UHRF2: variants seen among roughly 807,000 people sequenced by gnomAD.
UHRF2 encodes the protein ubiquitin like with PHD and ring finger domains 2.
UHRF2 carries 23 observed loss-of-function variants against 96.8 expected under a neutral mutation model. The ratio of observed to expected loss-of-function variants is 0.24; its 90% CI spans 0.17 to 0.34. UHRF2 has a LOEUF of 0.34. Ranked by LOEUF, UHRF2 falls within the 10% of genes least tolerant of loss-of-function variation. UHRF2 has a pLI of 1.00. For synonymous variants in UHRF2, 385 were observed against 332.6 expected (o/e 1.16, Z -1.72); for missense variants, 685 against 981.5 (o/e 0.70, Z 4.04).
In UHRF2 at chr9:6,430,004, T is replaced by C. The variant is rs554132690; in HGVS notation, c.385-3910T>C. ...TTAGATATTTGGACAGGGGAAACTTTTTGTCTAAATGTGGCTTTTCTTTTT... is the reference window on the plus strand; with the variant it reads ...TTAGATATTTGGACAGGGGAAACTTCTTGTCTAAATGTGGCTTTTCTTTTT... On this transcript the variant is annotated intron_variant, in intron 2 of 15. Transcript: ENST00000276893. 3.9e-5 allele frequency among the ~76,000 whole-genome samples: 6 copies of C among 152,360 alleles called. No individual in the cohort carries two copies. In the East Asian group the frequency reaches 9.6e-4, roughly 24 times the overall value.
At chr9:6,437,417 G>A (rs1160652310) in intron 3 of UHRF2, among the ~76,000 whole-genome samples, 1 of 152,064 alleles carries the variant, frequency 6.6e-6, no homozygotes, top group Non-Finnish European at 1.5e-5. Context: ...ATCTTTAGTA[G>A]ATACGGGGTT....
At chr9:6,453,577 C>G (rs116677937) in intron 3 of UHRF2, among the ~76,000 whole-genome samples, 265 of 152,224 alleles carry the variant, frequency 1.7e-3, no homozygotes, top group African/African-American at 6.2e-3. Flanking sequence ...ATTTTTCTGA[C>G]CAAACCGTTG....
At chr9:6,502,408 A>G (rs1456422237) in intron 14 of UHRF2, among the ~76,000 whole-genome samples, 1 of 152,208 alleles carries the variant, frequency 6.6e-6, no homozygotes, top group Non-Finnish European at 1.5e-5. Flanking sequence ...GATTCCTCAG[A>G]GAGATCTTCC....
rs1587746718 is a variant in UHRF2, at chr9:6,413,891, A to G, written c.153+248A>G. On this transcript the variant is annotated intron_variant, in intron 1 of 15. Transcript: ENST00000276893. The stretch of plus-strand genomic sequence containing the variant: ...AGAAGTGAGGGCGTCCGGAGCGCAA[A>G]TATCTCGCCGTTTGTATTTGGTAGG... 74 of 397,600 alleles carry G rather than the reference A, an allele frequency of 1.9e-4. 2 individuals are homozygous for G. In the East Asian group the frequency reaches 3.0e-3, roughly 16 times the overall value. The allele number at this position is 397,600 out of a possible 1,614,324, so 24.6% of individuals were successfully genotyped here.
chr9:6,466,280 G>A (rs1822850984), intron 4 of UHRF2, among the ~76,000 whole-genome samples: 1 of 152,122 alleles, frequency 6.6e-6, no homozygotes, highest in South Asian at 2.1e-4. Context: ...GCTCACGCCT[G>A]TAATCCCAGC....
At chr9:6,459,009 T>A (rs937088562) in intron 3 of UHRF2, among the ~76,000 whole-genome samples, 1 of 151,890 alleles carries the variant, frequency 6.6e-6, no homozygotes, top group Non-Finnish European at 1.5e-5. Flanking sequence ...TAAGTGGAAG[T>A]TGAACAATGA....
At chr9:6,438,966 A>C (rs1233248465) in intron 3 of UHRF2, among the ~76,000 whole-genome samples, 1 of 152,210 alleles carries the variant, frequency 6.6e-6, no homozygotes, top group Non-Finnish European at 1.5e-5. Flanking sequence ...CCAAACCAAA[A>C]AAATTTAAGA....
intron 14 of UHRF2, among the ~76,000 whole-genome samples, 166 bp downstream of exon 14, chr9:6,500,875 A>G (rs187741284): frequency 6.6e-6 from 1 of 152,310 alleles, no homozygotes; most frequent in Non-Finnish European, 1.5e-5. Context: ...ACACATATAC[A>G]TGCGCCTAAA....
At chr9:6,452,086 T>A (rs1312146142) in intron 3 of UHRF2, among the ~76,000 whole-genome samples, 3 of 151,856 alleles carry the variant, frequency 2.0e-5, no homozygotes, top group Admixed American at 6.6e-5. Flanking sequence ...TTGCACCTTA[T>A]TTTTTTTAAG....
intron 3 of UHRF2, among the ~76,000 whole-genome samples, chr9:6,440,681 A>G (rs1405826125): frequency 1.3e-5 from 2 of 152,206 alleles, no homozygotes; most frequent in African/African-American, 4.8e-5. Context: ...ATCTGTACTC[A>G]TCATTTGGCT....
At chr9:6,500,459 C>G (rs1816226718) in intron 13 of UHRF2, 93 bp from the exon 14 acceptor site, 1 of 1,096,002 alleles carries the variant, frequency 9.1e-7, no homozygotes, top group East Asian at 2.6e-5. Flanking sequence ...TATCTTTCTG[C>G]TAAACATTAC....
chr9:6,472,991 T>G (rs1319264367), intron 4 of UHRF2, among the ~76,000 whole-genome samples: 2 of 152,224 alleles, frequency 1.3e-5, no homozygotes, highest in African/African-American at 4.8e-5. Flanking sequence ...ATGTGTATGT[T>G]TAAAATGTAT....
intron 8 of UHRF2, 106 bp downstream of exon 8, chr9:6,482,205 G>C: frequency 2.2e-6 from 2 of 916,168 alleles, no homozygotes; most frequent in Non-Finnish European, 3.5e-6. Context: ...ACATTCACTT[G>C]TTAGAATGAA....
chr9:6,421,067 G>C lies in UHRF2; in HGVS notation c.309G>C (p.Pro103=). 6.2e-7 allele frequency: 1 copy of C among 1,614,140 alleles called. No homozygotes were observed. Among genetic ancestry groups the C allele is most frequent in the Non-Finnish European group, 8.5e-7 (1 of 1,180,028 alleles). ...GTCCACCTAAAGTAAAGAAAGCTCC[G>C]AGGGTAGGACCTTCCAATCAGCCAT... ...SNSPPKVKKA[P]RVGPSNQPST... The change falls in exon 2 of 16, where the codon CCG becomes CCC. Residue 103 remains proline (P), a synonymous_variant. Coordinates refer to ENST00000276893, the MANE Select transcript of UHRF2 (RefSeq NM_152896.3).
At chr9:6,423,700 C>G (rs982494033) in intron 2 of UHRF2, among the ~76,000 whole-genome samples, 5 of 150,678 alleles carry the variant, frequency 3.3e-5, no homozygotes, top group Non-Finnish European at 5.9e-5. Flanking sequence ...AATCCCAACA[C>G]TTTGGGAGGC....
Position 6,415,796 on chromosome 9 carries a change from G to C in UHRF2, c.153+2153G>C, listed in dbSNP as rs536756223. 2.6e-5 allele frequency among the ~76,000 whole-genome samples: 4 copies of C among 152,316 alleles called. No individual in the cohort carries two copies. The South Asian group carries it at 8.3e-4, about 32-fold the overall frequency. On this transcript the variant is annotated intron_variant, in intron 1 of 15. Transcript: ENST00000276893. ...TCAGCTCACCCCAGAACTGCAAGTA[G>C]TTGAATTTAACAAGACCCCACGGGA...
intron 8 of UHRF2, among the ~76,000 whole-genome samples, chr9:6,483,824 G>C (rs933870769): frequency 1.3e-5 from 2 of 152,046 alleles, no homozygotes; most frequent in African/African-American, 4.8e-5. Context: ...CAAGTAGCTG[G>C]GATTACAGGC....
chr9:6,476,656 G>A (rs1587849441), intron 5 of UHRF2, among the ~76,000 whole-genome samples: 1 of 151,984 alleles, frequency 6.6e-6, no homozygotes, highest in Admixed American at 6.6e-5. Context: ...GTGCAGTGGC[G>A]CAATCTCGGC....
chr9:6,429,379 A>G (rs1291827690), intron 2 of UHRF2, among the ~76,000 whole-genome samples: 1 of 152,216 alleles, frequency 6.6e-6, no homozygotes, highest in Non-Finnish European at 1.5e-5. Flanking sequence ...TACCAGCAGT[A>G]TGGTAATAAG....
Sources: allele counts gnomAD v4.1 joint callset (sites outside exome capture counted in the v4.1 genomes callset), GRCh38; gene constraint gnomAD v4.1.1; transcripts MANE v1.5; gene names NCBI Gene and HGNC (gene_info 2026-07-23, HGNC 2026-07-21).